Variants in UCHL1 observed in about 807,000 individuals in gnomAD.
UCHL1 encodes ubiquitin carboxyl-terminal hydrolase isozyme L1.
In UCHL1, 5 loss-of-function variants were observed where a neutral mutation model predicts 33.3. The ratio of observed to expected loss-of-function variants is 0.15; its 90% CI spans 0.08 to 0.32. UCHL1 has a LOEUF of 0.32. UCHL1 is among the 10% of genes least tolerant of loss of function. UCHL1 has a pLI of 1.00. For missense variants in UCHL1, 236 were observed against 280.0 expected (o/e 0.84, Z 1.12); for synonymous variants, 132 against 108.8 (o/e 1.21, Z -1.33).
intron 8 of UCHL1, among the ~76,000 whole-genome samples, chr4:41,267,357 C>T (rs955495305): frequency 4.6e-5 from 7 of 152,332 alleles, no homozygotes; most frequent in South Asian, 2.1e-4. Flanking sequence ...CATTCTCCTG[C>T]CTTAGCCTCT....
chr4:41,260,582 CAT>C (rs768498077), intron 3 of UCHL1, 63 bp from the exon 4 acceptor site: 52 of 1,573,352 alleles, frequency 3.3e-5, no homozygotes, highest in Admixed American at 7.1e-5. Flanking sequence ...TGGTAGAACT[CAT>C]GTGCTGCCAT....
rs1781183613 is a variant in UCHL1 at position 41,268,098 on chromosome 4, A to AT, written c.*28dup. ...ATGCTCTGTGGGAGGGACTTTGCTG[A>AT]TTTCCCCTCTTCCCTTCAACATGAA... On this transcript the variant is annotated 3_prime_UTR_variant, in exon 9 of 9. Coordinates refer to ENST00000284440, the MANE Select transcript of UCHL1 (RefSeq NM_004181.5). 6 of 1,604,658 alleles carry AT rather than the reference A, an allele frequency of 3.7e-6. No homozygotes were observed. Among genetic ancestry groups the AT allele is most frequent in the Non-Finnish European group, 4.3e-6 (5 of 1,173,094 alleles).
At position 41,260,759 on chromosome 4, in the gene UCHL1, T is replaced by C; in HGVS notation, c.287T>C (p.Ile96Thr). 1 of 1,614,190 alleles carries C rather than the reference T, an allele frequency of 6.2e-7. No individual in the cohort carries two copies. Among genetic ancestry groups the C allele is most frequent in the Non-Finnish European group, 8.5e-7 (1 of 1,180,046 alleles). Residue 96 changes from isoleucine to threonine, a missense_variant, in exon 4 of 9, where the codon ATT (isoleucine) becomes ACT (threonine). By Grantham distance (89) the Ile-to-Thr change is moderately conservative (BLOSUM62 -1). Coordinates refer to ENST00000284440, the MANE Select transcript of UCHL1 (RefSeq NM_004181.5). Reference sequence around the variant, plus strand: ...AATTCCTGTGGCACAATCGGACTTATTCACGCAGTGGCCAATAATCAAGAC... The same window carrying C: ...AATTCCTGTGGCACAATCGGACTTACTCACGCAGTGGCCAATAATCAAGAC... ...IGNSCGTIGL[I>T]HAVANNQDKL...
rs753134305 is a variant in UCHL1, at chr4:41,261,878, C to T, written c.414C>T (p.Ala138=). Residue 138 remains alanine, a splice_region_variant and synonymous_variant, in exon 6 of 9, where the codon GCC becomes GCT. Coordinates refer to ENST00000284440, the MANE Select transcript of UCHL1 (RefSeq NM_004181.5). The stretch of plus-strand genomic sequence containing the variant: ...TAATTATTTTCTTTTTTCCGCAGGC[C>T]ATACAGGCAGCCCATGATGCCGTGG... ...DRAKCFEKNE[A]IQAAHDAVAQ... is the part of the protein sequence containing the mutation. 1 of 1,614,098 alleles carries T rather than the reference C, an allele frequency of 6.2e-7. No homozygotes were observed. The highest frequency in any genetic ancestry group is 1.1e-5 in the South Asian group (1 of 91,084).
chr4:41,266,153 C>T (rs1781149521), intron 8 of UCHL1, among the ~76,000 whole-genome samples: 1 of 150,898 alleles, frequency 6.6e-6, no homozygotes, highest in South Asian at 2.1e-4. Context: ...AACTCTTGGG[C>T]TCAAGTGATC....
chr4:41,263,874 T>C (rs1396855477), intron 7 of UCHL1, among the ~76,000 whole-genome samples: 1 of 152,232 alleles, frequency 6.6e-6, no homozygotes, highest in Non-Finnish European at 1.5e-5. Context: ...TCTATTAGGG[T>C]AGCTGACTTG....
chr4:41,258,915 C>G (rs1781027007), intron 3 of UCHL1, among the ~76,000 whole-genome samples: 3 of 152,352 alleles, frequency 2.0e-5, no homozygotes, highest in South Asian at 4.1e-4. Flanking sequence ...CCAAATCAGT[C>G]TCCTGTCTCC....
chr4:41,261,430 G>C (rs2154087208), intron 4 of UCHL1, among the ~76,000 whole-genome samples: 1 of 152,282 alleles, frequency 6.6e-6, no homozygotes, highest in South Asian at 2.1e-4. Flanking sequence ...AGATTTGAGA[G>C]ATGAGTGAGG....
At chr4:41,258,178 G>A (rs1488344397) in intron 3 of UCHL1, among the ~76,000 whole-genome samples, 2 of 152,152 alleles carry the variant, frequency 1.3e-5, no homozygotes, top group Non-Finnish European at 2.9e-5. Context: ...TAAATCGCAG[G>A]GAAACAATTA....
At chr4:41,267,312 C>T (rs747648380) in intron 8 of UCHL1, among the ~76,000 whole-genome samples, 2 of 151,976 alleles carry the variant, frequency 1.3e-5, no homozygotes, top group Non-Finnish European at 2.9e-5. Context: ...GGCGCGATCT[C>T]GCCTCACTGC....
chr4:41,262,689 G>T (rs1179950923), intron 6 of UCHL1, among the ~76,000 whole-genome samples: 1 of 151,650 alleles, frequency 6.6e-6, no homozygotes, highest in East Asian at 1.9e-4. Flanking sequence ...ATGCAGTGGT[G>T]TGATCTTGGC....
intron 3 of UCHL1, among the ~76,000 whole-genome samples, chr4:41,259,910 C>T (rs1197105051): frequency 6.6e-6 from 1 of 152,174 alleles, no homozygotes; most frequent in Admixed American, 6.5e-5. Flanking sequence ...ATACAGAAAG[C>T]TAGCAGATGC....
chr4:41,263,469 C>T (rs1295021792), intron 7 of UCHL1, among the ~76,000 whole-genome samples, 178 bp downstream of exon 7: 1 of 152,198 alleles, frequency 6.6e-6, no homozygotes, highest in African/African-American at 2.4e-5. Flanking sequence ...GCAACTTCCT[C>T]AGGCAACTGA....
intron 6 of UCHL1, 49 bp downstream of exon 6, chr4:41,261,972 T>G: frequency 1.2e-6 from 2 of 1,606,082 alleles, no homozygotes; most frequent in Non-Finnish European, 1.7e-6. Context: ...GCCATCTGTG[T>G]TTCTACTGAA....
intron 3 of UCHL1, 158 bp from the exon 4 acceptor site, chr4:41,260,489 A>G (rs1442747325): frequency 1.1e-6 from 1 of 881,266 alleles, no homozygotes; most frequent in Non-Finnish European, 1.8e-6. Flanking sequence ...TGGGAGGCAG[A>G]CAGACGGGCC....
chr4:41,266,755 G>C (rs150574877), intron 8 of UCHL1, among the ~76,000 whole-genome samples: 12 of 152,186 alleles, frequency 7.9e-5, no homozygotes, highest in African/African-American at 2.9e-4. Flanking sequence ...GAGTAGCCAG[G>C]ACTAGAAGCG....
At chr4:41,257,185 G>A in intron 2 of UCHL1, 59 bp downstream of exon 2, 2 of 1,610,434 alleles carry the variant, frequency 1.2e-6, no homozygotes, top group Non-Finnish European at 1.7e-6. Flanking sequence ...AGGCGGGGGC[G>A]CCCACCGGTT....
rs1346844125 is a variant in UCHL1 at position 41,261,715 on chromosome 4, A to C, written c.326A>C (p.Glu109Ala). 1.2e-6 allele frequency: 2 copies of C among 1,610,272 alleles called. No homozygotes were observed. The highest frequency in any genetic ancestry group is 4.5e-5 in the East Asian group (2 of 44,854). ...CTAACACATCCATTTTTTTTTTAAG[A>C]GGATGGATCAGTTCTGAAACAGTTT... The part of the protein sequence containing the change: ...VANNQDKLGF[E>A]DGSVLKQFLS... The change falls in exon 5 of 9, where the codon GAG becomes GCG. Residue 109 changes from glutamate to alanine, a missense_variant and splice_region_variant. Coordinates refer to ENST00000284440, the MANE Select transcript of UCHL1 (RefSeq NM_004181.5).
intron 8 of UCHL1, among the ~76,000 whole-genome samples, chr4:41,266,939 G>A (rs1002328766): frequency 6.6e-6 from 1 of 152,146 alleles, no homozygotes; most frequent in Non-Finnish European, 1.5e-5. Context: ...AATTTTAGGA[G>A]TGATGTTTCA....
Sources: gnomAD v4.1 joint callset for allele counts (sites outside exome capture counted in the v4.1 genomes callset) on GRCh38, gnomAD v4.1.1 for gene constraint, MANE v1.5 for transcripts, NCBI Gene and HGNC (gene_info 2026-07-23, HGNC 2026-07-21) for gene names.